LOC400499: variants seen among roughly 807,000 people sequenced by gnomAD.
chr16:11,387,324 G>A, the LOC400499 span: 1 of 1,231,510 alleles, frequency 8.1e-7, no homozygotes, highest in African/African-American at 1.6e-5. Flanking sequence ...ACAAGTCACT[G>A]TGCCTGCCCG....
chr16:11,392,635 AC>A, the LOC400499 span: 1 of 525,800 alleles, frequency 1.9e-6, no homozygotes, highest in Non-Finnish European at 2.9e-6. Context: ...CTTGAGCTGC[AC>A]CACCTAGAGC....
chr16:11,398,461 C>T, the LOC400499 span: 1 of 1,232,286 alleles, frequency 8.1e-7, no homozygotes, highest in Non-Finnish European at 1.0e-6. Context: ...AGGACGTGCT[C>T]CAGCGTGGCC....
At chr16:11,461,128 A>G in the LOC400499 span, 1 of 1,530,816 alleles carries the variant, frequency 6.5e-7, no homozygotes, top group Non-Finnish European at 8.7e-7. Context: ...TGCTGCAGGG[A>G]CAGAGAGCAG....
the LOC400499 span, among the ~76,000 whole-genome samples, chr16:11,495,322 G>T: frequency 6.6e-6 from 1 of 152,056 alleles, no homozygotes; most frequent in Non-Finnish European, 1.5e-5. Context: ...GCAAACAGGA[G>T]GGGGTTCAGG....
At chr16:11,413,960 T>C in the LOC400499 span, among the ~76,000 whole-genome samples, 1 of 152,138 alleles carries the variant, frequency 6.6e-6, no homozygotes, top group South Asian at 2.1e-4. Flanking sequence ...GACGGTGCCA[T>C]CCTGCCTTTC....
At chr16:11,474,756 C>G in the LOC400499 span, among the ~76,000 whole-genome samples, 1 of 151,790 alleles carries the variant, frequency 6.6e-6, no homozygotes, top group Non-Finnish European at 1.5e-5. Flanking sequence ...GTAGTCCCAG[C>G]TACTCAGGAG....
At chr16:11,428,205 G>C in the LOC400499 span, among the ~76,000 whole-genome samples, 1 of 151,040 alleles carries the variant, frequency 6.6e-6, no homozygotes, top group Non-Finnish European at 1.5e-5. Flanking sequence ...ACTGAGTTTC[G>C]CTCTTGTTGC....
chr16:11,431,527 T>A, the LOC400499 span, among the ~76,000 whole-genome samples: 1 of 152,168 alleles, frequency 6.6e-6, no homozygotes, highest in African/African-American at 2.4e-5. Context: ...TGTCTCAGCC[T>A]CCTGAGTAGC....
At chr16:11,383,548 G>C in the LOC400499 span, 2 of 1,179,344 alleles carry the variant, frequency 1.7e-6, no homozygotes, top group Non-Finnish European at 2.1e-6. Context: ...ACAATTATTT[G>C]TCCTCCCTGG....
the LOC400499 span, chr16:11,385,188 G>C: frequency 3.2e-6 from 4 of 1,231,606 alleles, no homozygotes; most frequent in South Asian, 4.1e-5. Context: ...AGTCCTACAG[G>C]CTGCCATGCC....
the LOC400499 span, chr16:11,392,066 G>A: frequency 3.8e-5 from 15 of 399,840 alleles, no homozygotes; most frequent in East Asian, 2.5e-4. Flanking sequence ...TCTTCCAGCC[G>A]GGCTTGCACC....
chr16:11,488,414 G>A, the LOC400499 span, among the ~76,000 whole-genome samples: 1 of 152,112 alleles, frequency 6.6e-6, no homozygotes, highest in East Asian at 1.9e-4. Context: ...TTTTGTTGTT[G>A]TTGTTTGTTT....
chr16:11,466,337 G>A, the LOC400499 span, among the ~76,000 whole-genome samples: 4 of 152,018 alleles, frequency 2.6e-5, no homozygotes, highest in African/African-American at 4.8e-5. Context: ...CCTGAAATGC[G>A]GCCCATGCAG....
the LOC400499 span, among the ~76,000 whole-genome samples, chr16:11,449,390 G>A: frequency 4.6e-5 from 7 of 152,234 alleles, 1 homozygote; most frequent in Middle Eastern, 6.8e-3. Context: ...TTGTTGGGCC[G>A]CTATTACTAG....
At chr16:11,408,476 C>T in the LOC400499 span, among the ~76,000 whole-genome samples, 2 of 108,692 alleles carry the variant, frequency 1.8e-5, no homozygotes, top group South Asian at 2.8e-4. Context: ...TTTTTTTAGA[C>T]AGAGACAGGG....
the LOC400499 span, among the ~76,000 whole-genome samples, chr16:11,492,295 C>T: frequency 0.17 from 22,089 of 129,576 alleles, 1,896 homozygotes; most frequent in Non-Finnish European, 0.19. Flanking sequence ...TCTATCCATT[C>T]ACCCATCCAC....
chr16:11,407,231 T>A, the LOC400499 span: 2 of 398,790 alleles, frequency 5.0e-6, no homozygotes, highest in African/African-American at 4.1e-5. Context: ...TTTGATGAAA[T>A]TGTTGAGACC....
the LOC400499 span, chr16:11,501,972 G>A: frequency 5.0e-6 from 2 of 396,162 alleles, no homozygotes; most frequent in Admixed American, 4.4e-5. Flanking sequence ...TGACGCATCA[G>A]CATCCATCCC....
At chr16:11,384,481 G>T in the LOC400499 span, among the ~76,000 whole-genome samples, 2 of 152,170 alleles carry the variant, frequency 1.3e-5, no homozygotes, top group Non-Finnish European at 2.9e-5. Context: ...CTGGAGCCCA[G>T]GCCCTGGCTG....
Sources: gnomAD v4.1 joint callset for allele counts (sites outside exome capture counted in the v4.1 genomes callset) on GRCh38, gnomAD v4.1.1 for gene constraint, MANE v1.5 for transcripts.